The following ARFGEF1 variants were observed in gnomAD, a reference collection of about 807,000 sequenced individuals.
ARFGEF1 encodes the protein brefeldin A-inhibited guanine nucleotide-exchange protein 1.
In ARFGEF1, 42 loss-of-function variants were observed where a neutral mutation model predicts 231.0. The observed-to-expected ratio is 0.18, with a 90% confidence interval of 0.14 to 0.24. The LOEUF (loss-of-function observed/expected upper bound fraction) is 0.24. Ranked by LOEUF, ARFGEF1 falls within the 10% of genes least tolerant of loss-of-function variation. ARFGEF1 has a pLI of 1.00. For missense variants in ARFGEF1, 1,345 were observed against 2,192.0 expected (o/e 0.61, Z 7.72); for synonymous variants, 710 against 732.3 (o/e 0.97, Z 0.49).
chr8:67,174,983 C>T (rs903715413), downstream of ARFGEF1: 9 of 298,156 alleles, frequency 3.0e-5, no homozygotes, highest in East Asian at 2.4e-4. Flanking sequence ...TATACCTGCA[C>T]GTAGTCTGTG....
chr8:67,335,210 A>C (rs186026027), intron 1 of ARFGEF1, among the ~76,000 whole-genome samples: 2,440 of 146,848 alleles, frequency 0.017, 68 homozygotes, highest in African/African-American at 0.059. Flanking sequence ...GGCTCACACC[A>C]TTCTCCTGCC....
At chr8:67,336,239 A>G (rs1362720196) in intron 1 of ARFGEF1, among the ~76,000 whole-genome samples, 1 of 152,208 alleles carries the variant, frequency 6.6e-6, no homozygotes, top group East Asian at 1.9e-4. Context: ...CTTATAACAC[A>G]CTAAAGCCTC....
chr8:67,251,563 G>A (rs1726869328), intron 18 of ARFGEF1, 113 bp from the exon 19 acceptor site: 2 of 1,059,378 alleles, frequency 1.9e-6, no homozygotes, highest in African/African-American at 3.2e-5. Context: ...ATCCTAAGAA[G>A]CAAGACACAA....
chr8:67,205,853 G>A (rs1324876189), intron 34 of ARFGEF1, among the ~76,000 whole-genome samples: 2 of 147,774 alleles, frequency 1.4e-5, no homozygotes, highest in Admixed American at 6.7e-5. Context: ...GAGAGACTCC[G>A]TCTCAAAAAA....
At chr8:67,317,940 A>C (rs1466400022) in intron 1 of ARFGEF1, among the ~76,000 whole-genome samples, 1 of 150,490 alleles carries the variant, frequency 6.6e-6, no homozygotes, top group Non-Finnish European at 1.5e-5. Context: ...AATCTACCAT[A>C]GAAATAGGCT....
Position 67,218,022 on chromosome 8 carries a change from G to A in ARFGEF1, c.4455C>T (p.Leu1485=). The stretch of plus-strand genomic sequence containing the variant: ...ACCTACCTTGCTGCACACACCAGTA[G>A]AGCTGAGCAAAAATGTCATCCAAAA... ...DVLLDDIFAQ[L]YWCVQQDNEQ... The change falls in exon 31 of 39, where the codon CTC becomes CTT. Residue 1485 remains leucine, a synonymous_variant. Coordinates refer to ENST00000262215, the MANE Select transcript of ARFGEF1 (RefSeq NM_006421.5). 1.2e-6 allele frequency: 2 copies of A among 1,611,540 alleles called. No individual in the cohort carries two copies. The highest frequency in any genetic ancestry group is 1.7e-6 in the Non-Finnish European group (2 of 1,178,876).
chr8:67,194,172 C>CAGT (rs748134780), downstream of ARFGEF1, among the ~76,000 whole-genome samples: 3 of 152,204 alleles, frequency 2.0e-5, no homozygotes, highest in Non-Finnish European at 2.9e-5. Context: ...GCCAGCCCTA[C>CAGT]ACCACCCTTT....
chr8:67,311,425 GC>G (rs1291416512), intron 1 of ARFGEF1, among the ~76,000 whole-genome samples: 1,329 of 130,152 alleles, frequency 0.01, 38 homozygotes, highest in African/African-American at 0.038. Context: ...TGGGGGGTCA[GC>G]CCCCCGCCCG....
intron 5 of ARFGEF1, among the ~76,000 whole-genome samples, chr8:67,292,850 AC>A (rs961341217): frequency 1.3e-5 from 2 of 152,140 alleles, no homozygotes; most frequent in Non-Finnish European, 2.9e-5. Context: ...AATGAGTCTC[AC>A]AGAATTAATT....
intron 1 of ARFGEF1, among the ~76,000 whole-genome samples, chr8:67,318,239 GAAAAAA>G (rs34563091): frequency 1.3e-5 from 1 of 78,202 alleles, no homozygotes; most frequent in Admixed American, 1.4e-4. Flanking sequence ...TCCGTCTCAA[GAAAAAA>G]AAAAAAAAAA....
At chr8:67,216,228 A>G (rs1838925956) in intron 33 of ARFGEF1, among the ~76,000 whole-genome samples, 1 of 152,132 alleles carries the variant, frequency 6.6e-6, no homozygotes, top group Non-Finnish European at 1.5e-5. Flanking sequence ...TTAATCCCCA[A>G]TGCAACAGTA....
At chr8:67,178,258 T>C (rs1287670741) in intron 5 of ARFGEF1, among the ~76,000 whole-genome samples, 1 of 152,136 alleles carries the variant, frequency 6.6e-6, no homozygotes, top group African/African-American at 2.4e-5. Flanking sequence ...GAAGTAGTGT[T>C]GAGGTCTACA....
chr8:67,322,760 C>A (rs1807655970), intron 1 of ARFGEF1, among the ~76,000 whole-genome samples: 1 of 152,144 alleles, frequency 6.6e-6, no homozygotes, highest in African/African-American at 2.4e-5. Context: ...CACTTCTAGG[C>A]TAAGATAATT....
intron 8 of ARFGEF1, among the ~76,000 whole-genome samples, chr8:67,276,829 C>A (rs931634729): frequency 8.5e-5 from 13 of 152,172 alleles, no homozygotes; most frequent in South Asian, 6.2e-4. Context: ...GAATGAGCAT[C>A]CTAATCCCAA....
chr8:67,343,028 A>G, intron 1 of ARFGEF1, 136 bp downstream of exon 1: 2 of 1,031,752 alleles, frequency 1.9e-6, no homozygotes, highest in East Asian at 5.3e-5. Context: ...GACAGGGAAC[A>G]GAGGGCTCCG....
At chr8:67,175,561 G>C (rs772779980) in exon 6 of ARFGEF1, 1 of 1,096,810 alleles carries the variant, frequency 9.1e-7, no homozygotes, top group South Asian at 1.3e-5. Flanking sequence ...ATGCTCACAG[G>C]GTCCGTTTGG....
chr8:67,174,787 T>C (rs962574936), downstream of ARFGEF1: 1 of 152,160 alleles, frequency 6.6e-6, no homozygotes, highest in African/African-American at 2.4e-5. Context: ...AAAAAAGAAA[T>C]GGCATTCCCC....
intron 6 of ARFGEF1, among the ~76,000 whole-genome samples, chr8:67,288,895 A>C: frequency 6.6e-6 from 1 of 152,146 alleles, no homozygotes; most frequent in East Asian, 1.9e-4. Context: ...TATCTAATGT[A>C]AAACTAAATT....
chr8:67,326,413 A>C (rs1807836084), intron 1 of ARFGEF1, among the ~76,000 whole-genome samples: 1 of 152,210 alleles, frequency 6.6e-6, no homozygotes, highest in South Asian at 2.1e-4. Flanking sequence ...ACATTAAAAC[A>C]ACCTATACTC....
Sources: allele counts gnomAD v4.1 joint callset (sites outside exome capture counted in the v4.1 genomes callset), GRCh38; gene constraint gnomAD v4.1.1; transcripts MANE v1.5; gene names NCBI Gene and HGNC (gene_info 2026-07-23, HGNC 2026-07-21).